ZNF630: variants seen among roughly 807,000 people sequenced by gnomAD.
ZNF630 encodes the protein zinc finger protein 630.
Under a neutral mutation model 7.2 loss-of-function variants are expected in ZNF630, and 5 were observed. The observed-to-expected ratio is 0.70, with a 90% CI of 0.36 to 1.46. The LOEUF (loss-of-function observed/expected upper bound fraction) is 1.46, where lower values mean the gene tolerates loss of function less well. Among genes scored for constraint, ZNF630 ranks in the 40% most tolerant of loss-of-function variants. The pLI is 0.03. For missense variants in ZNF630, 461 were observed against 477.0 expected (o/e 0.97, Z 0.31); for synonymous variants, 158 against 162.8 (o/e 0.97, Z 0.23).
intron 2 of ZNF630, among the ~76,000 whole-genome samples, chrX:48,064,393 C>A (rs1210870287): frequency 8.9e-6 from 1 of 111,853 alleles, no homozygotes; most frequent in Non-Finnish European, 1.9e-5. Context: ...TAGATCAGGA[C>A]ATAGCAAACT....
Position 48,060,168 on chromosome X carries a change from T to A in ZNF630, c.274A>T (p.Ile92Phe). 6 of 1,155,839 alleles carry A rather than the reference T, an allele frequency of 5.2e-6. No individual in the cohort carries two copies. The highest frequency in any genetic ancestry group is 6.9e-6 in the Non-Finnish European group (6 of 867,165). The change falls in exon 5 of 5, where the codon ATT (isoleucine) becomes TTT (phenylalanine). Residue 92 changes from isoleucine (I) to phenylalanine (F), a missense_variant. Physicochemically the swap from Ile to Phe is conservative, Grantham distance 21 (BLOSUM62 0). Coordinates refer to ENST00000276054, the MANE Select transcript of ZNF630 (RefSeq NM_001282201.2). ...CTTTGAAATAAAAGTTCTCCAGAAA[T>A]GATCTGCTGGGAAGATTCAAGGCCT... Reference protein sequence around the residue: ...VKGLESSQQIISGELLFQREI... With the variant: ...VKGLESSQQIFSGELLFQREI...
chrX:48,066,868 T>C lies in ZNF630; in HGVS notation c.15+4A>G. ...GAAAACCAAGTGGCAAACAAATAACTTACCTGGGACTCAATCATTTTCTGT... is the reference window on the plus strand; with the variant it reads ...GAAAACCAAGTGGCAAACAAATAACCTACCTGGGACTCAATCATTTTCTGT... On this transcript the variant is annotated splice_donor_region_variant and intron_variant, in intron 2 of 4. Coordinates refer to ENST00000276054, the MANE Select transcript of ZNF630 (RefSeq NM_001282201.2). The C allele has an allele frequency of 8.3e-7, 1 of 1,207,958 alleles. No homozygotes were observed. Among genetic ancestry groups the C allele is most frequent in the Non-Finnish European group, 1.1e-6 (1 of 892,893 alleles).
At chrX:48,064,138 G>A (rs988564014) in intron 2 of ZNF630, among the ~76,000 whole-genome samples, 13 of 110,649 alleles carry the variant, frequency 1.2e-4, no homozygotes, top group African/African-American at 4.3e-4. Flanking sequence ...ATGGTACCTA[G>A]CACAGAGGGT....
intron 4 of ZNF630, 30 bp downstream of exon 4, chrX:48,060,420 C>T (rs782577910): frequency 1.9e-5 from 22 of 1,148,768 alleles, no homozygotes; most frequent in Admixed American, 1.0e-4. Context: ...AGAAGATGCC[C>T]GCTTGACCAT....
chrX:48,066,326 G>GA (rs56117929), intron 2 of ZNF630: 69 of 94,241 alleles, frequency 7.3e-4, no homozygotes, highest in East Asian at 3.6e-3. Flanking sequence ...TTTTCAGGGA[G>GA]AAAAAAAAAA....
chrX:48,069,840 T>TG (rs201799743), intron 1 of ZNF630, among the ~76,000 whole-genome samples: 1 of 16,498 alleles, frequency 6.1e-5, no homozygotes, highest in Non-Finnish European at 2.6e-4. Context: ...GGACATTGTC[T>TG]GTTTTTTTTT....
At chrX:48,068,015 T>C (rs1366147377) in intron 1 of ZNF630, among the ~76,000 whole-genome samples, 1 of 107,627 alleles carries the variant, frequency 9.3e-6, no homozygotes, top group Non-Finnish European at 1.9e-5. Flanking sequence ...TGAGCCGAGA[T>C]TGAGCCACTG....
rs1556908664 is a variant in ZNF630 at position 48,059,520 on chromosome X, C to A, written c.922G>T (p.Val308Leu). 1 of 1,207,585 alleles carries A rather than the reference C, an allele frequency of 8.3e-7. No homozygotes were observed. Among genetic ancestry groups the A allele is most frequent in the South Asian group, 1.8e-5 (1 of 56,840 alleles). The change falls in exon 5 of 5, where the codon GTG becomes TTG. Residue 308 changes from valine (V) to leucine (L), a missense_variant. Transcript: ENST00000276054. ...KAFSEKSHLIVHQRIHTGEKP... is the reference protein window; with the variant it reads ...KAFSEKSHLILHQRIHTGEKP... ...TCCCCAGTATGAATCCTCTGATGCA[C>A]AATGAGGTGTGATTTCTCACTGAAG...
In ZNF630 at chrX:48,060,021, C is replaced by T; in HGVS notation, c.421G>A (p.Val141Ile). The change falls in exon 5 of 5, where the codon GTC becomes ATC. Residue 141 changes from valine to isoleucine, a missense_variant. By Grantham distance (29) the Val-to-Ile change is conservative (BLOSUM62 3). Transcript: ENST00000276054. ...NQDRVLRQVT[V>I]ISRETLTDEM... is the part of the protein sequence containing the mutation. ...TCAGTCAATGTTTCACGACTGATGA[C>T]TGTGACCTGCCTCAAAACTCTGTCT... is the stretch of plus-strand genomic sequence containing the variant. 8.3e-7 allele frequency: 1 copy of T among 1,207,802 alleles called. No individual in the cohort carries two copies. The highest frequency in any genetic ancestry group is 1.1e-6 in the Non-Finnish European group (1 of 892,867).
At position 48,058,974 on chromosome X, in the gene ZNF630, T is replaced by G. The variant is rs782350392; in HGVS notation, c.1468A>C (p.Thr490Pro). 8.3e-7 allele frequency: 1 copy of G among 1,206,267 alleles called. No homozygotes were observed. Among genetic ancestry groups the G allele is most frequent in the African/African-American group, 1.8e-5 (1 of 56,570 alleles). The stretch of plus-strand genomic sequence containing the variant: ...TGAGAGAAGGATTTTCCACATTCAG[T>G]ACACATATAAGGTTTCTCTCCAGTA... Reference protein sequence around the residue: ...LHTGEKPYMCTECGKSFSQKS... With the variant: ...LHTGEKPYMCPECGKSFSQKS... Residue 490 changes from threonine to proline, a missense_variant, in exon 5 of 5, where the codon ACT (threonine) becomes CCT (proline). Coordinates refer to ENST00000276054, the MANE Select transcript of ZNF630 (RefSeq NM_001282201.2).
Position 48,058,686 on chromosome X carries a change from G to A in ZNF630, c.1756C>T (p.Leu586Phe), listed in dbSNP as rs1251743709. ...GGATGAGTTTTCTGATGTATAATGA[G>A]TGGAGACTTTCCACAGAAGGCCTTT... is the stretch of plus-strand genomic sequence containing the variant. ...CGKAFCGKSP[L>F]IIHQKTHPRE... Residue 586 changes from leucine (L) to phenylalanine (F), a missense_variant, in exon 5 of 5, where the codon CTC becomes TTC. Transcript: ENST00000276054. The A allele has an allele frequency of 2.5e-6, 3 of 1,205,925 alleles. No homozygotes were observed. Among genetic ancestry groups the A allele is most frequent in the South Asian group, 3.5e-5 (2 of 56,571 alleles).
chrX:48,066,712 G>T, intron 2 of ZNF630, 160 bp downstream of exon 2: 1 of 604,405 alleles, frequency 1.7e-6, no homozygotes, highest in Non-Finnish European at 2.6e-6. Context: ...CAAAATTTTA[G>T]CTAAGTTTCT....
chrX:48,064,232 C>T (rs1268772166), intron 2 of ZNF630, among the ~76,000 whole-genome samples: 3 of 111,052 alleles, frequency 2.7e-5, no homozygotes, highest in African/African-American at 9.9e-5. Context: ...TAAATAGTAG[C>T]TATGATTCTT....
intron 1 of ZNF630, among the ~76,000 whole-genome samples, chrX:48,068,154 A>G (rs2059139876): frequency 1.1e-5 from 1 of 90,380 alleles, no homozygotes; most frequent in East Asian, 3.4e-4. Flanking sequence ...GAAGGAAGGG[A>G]GGGAGGGAGG....
At chrX:48,061,356 G>A (rs782266403) in intron 2 of ZNF630, among the ~76,000 whole-genome samples, 10 of 111,184 alleles carry the variant, frequency 9.0e-5, no homozygotes, top group Non-Finnish European at 1.9e-4. Context: ...TTCTAAGCAT[G>A]CCCCAAAACC....
chrX:48,066,435 A>C (rs2059131829), intron 2 of ZNF630: 1 of 114,980 alleles, frequency 8.7e-6, no homozygotes, highest in Non-Finnish European at 1.8e-5. Context: ...GAAAACAAGG[A>C]AACTATCCCA....
In ZNF630 at chrX:48,069,808, A is replaced by C. The variant is rs782418194; in HGVS notation, c.-176+1459T>G. Reference sequence around the variant, plus strand: ...TTGCTTCTGGATGCCCTAAAAAATTAGTTATCCTCCTAAATTCCACAGGAC... The same window carrying C: ...TTGCTTCTGGATGCCCTAAAAAATTCGTTATCCTCCTAAATTCCACAGGAC... On this transcript the variant is annotated intron_variant, in intron 1 of 4. Coordinates refer to ENST00000276054, the MANE Select transcript of ZNF630 (RefSeq NM_001282201.2). Among the ~76,000 whole-genome samples the C allele has an allele frequency of 5.5e-4, 58 of 104,812 alleles. 1 individual carries two copies. Among genetic ancestry groups the C allele is most frequent in the African/African-American group, 1.9e-3 (55 of 29,080 alleles). The allele number at this position is 104,812 out of a possible 115,157, so 91.0% of individuals were successfully genotyped here. A position where few individuals can be genotyped will look rare whatever the true frequency, so the allele number is the denominator to read the frequency against.
intron 3 of ZNF630, 119 bp from the exon 4 acceptor site, chrX:48,060,664 A>G (rs1258500043): frequency 6.6e-6 from 6 of 908,367 alleles, no homozygotes; most frequent in Non-Finnish European, 7.5e-6. Context: ...ACATAAAAAT[A>G]AATTCTAGAT....
In ZNF630 at chrX:48,058,615, G is replaced by GA. The variant is rs1556908249; in HGVS notation, c.1826dup (p.Trp610LeufsTer22). On this transcript the variant is annotated frameshift_variant, in exon 5 of 5. Transcript: ENST00000276054. LOFTEE classifies it low-confidence loss of function (END_TRUNC). ...GATATGTAATCATCTGTGATTTCCA[G>GA]AAAAAAGTCATTCCAGACTCAGCAC... is the stretch of plus-strand genomic sequence containing the variant. The GA allele has an allele frequency of 1.3e-5, 16 of 1,206,466 alleles. No homozygotes were observed. The highest frequency in any genetic ancestry group is 2.2e-5 in the Admixed American group (1 of 45,599).
Sources: gnomAD v4.1 joint callset for allele counts (sites outside exome capture counted in the v4.1 genomes callset) on GRCh38, gnomAD v4.1.1 for gene constraint, MANE v1.5 for transcripts, NCBI Gene and HGNC (gene_info 2026-07-23, HGNC 2026-07-21) for gene names.